The following WDR41 variants were observed in gnomAD, a reference collection of about 807,000 sequenced individuals.
WDR41 encodes the protein WD repeat-containing protein 41.
A neutral mutation model predicts 69.3 loss-of-function variants in WDR41; 63 were observed. The observed-to-expected ratio is 0.91, with a 90% CI of 0.74 to 1.12. The LOEUF (loss-of-function observed/expected upper bound fraction) is 1.12, where lower values mean the gene tolerates loss of function less well. Among genes scored for constraint, WDR41 ranks in the 50% most tolerant of loss-of-function variants. WDR41 has a pLI of 0.00. For missense variants in WDR41, 543 were observed against 534.5 expected, an observed-to-expected ratio of 1.02 and a Z score of -0.16; for synonymous variants, 185 against 192.1, an observed-to-expected ratio of 0.96 and a Z score of 0.31.
chr5:77,532,106 A>C (rs1802536148), intron 1 of WDR41, among the ~76,000 whole-genome samples: 1 of 152,086 alleles, frequency 6.6e-6, no homozygotes, highest in African/African-American at 2.4e-5. Flanking sequence ...TTACTTTTAC[A>C]TTATGTAAAT....
rs1483084004 is a variant in WDR41, at chr5:77,513,897, C to T, written c.43-24325G>A. On this transcript the variant is annotated intron_variant, in intron 1 of 5. Coordinates refer to the WDR41 transcript ENST00000509971. Reference sequence around the variant, plus strand: ...TAGACAAATTCTAATACCCTATGCACATGTCCACAGAGGGCTTTTCTTAGG... The same window carrying T: ...TAGACAAATTCTAATACCCTATGCATATGTCCACAGAGGGCTTTTCTTAGG... Among the ~76,000 whole-genome samples the T allele has an allele frequency of 2.0e-5, 3 of 150,984 alleles. No individual in the cohort carries two copies. The East Asian group carries it at 5.9e-4, about 30-fold the overall frequency.
chr5:77,515,782 G>A (rs2112181230), intron 1 of WDR41, among the ~76,000 whole-genome samples: 1 of 152,204 alleles, frequency 6.6e-6, no homozygotes, highest in East Asian at 1.9e-4. Flanking sequence ...GGCAGTATAG[G>A]ATTATATTTA....
At chr5:77,464,642 T>A in intron 3 of WDR41, 119 bp downstream of exon 3, 2 of 1,011,010 alleles carry the variant, frequency 2.0e-6, no homozygotes, top group East Asian at 2.6e-5. Context: ...TCTTTTCAAA[T>A]ATTAATGTGT....
intron 1 of WDR41, among the ~76,000 whole-genome samples, chr5:77,543,690 T>C (rs571690883): frequency 6.6e-6 from 1 of 152,176 alleles, no homozygotes; most frequent in South Asian, 2.1e-4. Context: ...TTATCGGTGT[T>C]CCTGAGGAAG....
At chr5:77,553,331 C>A (rs950293988) in intron 1 of WDR41, among the ~76,000 whole-genome samples, 2 of 152,096 alleles carry the variant, frequency 1.3e-5, no homozygotes, top group African/African-American at 4.8e-5. Context: ...CTTGAGGGGA[C>A]AAATGCTGTG....
intron 1 of WDR41, among the ~76,000 whole-genome samples, chr5:77,526,046 G>A (rs1436826557): frequency 2.0e-5 from 3 of 152,084 alleles, no homozygotes; most frequent in Admixed American, 6.5e-5. Flanking sequence ...AGAATATATA[G>A]TGCTTTTCTA....
chr5:77,489,984 G>C (rs1044611942), intron 1 of WDR41, among the ~76,000 whole-genome samples: 2 of 152,176 alleles, frequency 1.3e-5, no homozygotes, highest in African/African-American at 2.4e-5. Flanking sequence ...ATAAAATAGT[G>C]AAACAGTGCC....
At chr5:77,494,371 C>CA (rs140701135), upstream of WDR41, among the ~76,000 whole-genome samples, 16,097 of 149,198 alleles carry the variant, frequency 0.11, 1,015 homozygotes, top group Middle Eastern at 0.19. Context: ...GGCAGATTGA[C>CA]AAAAAAAAAC....
rs189763419 is a variant in WDR41, at chr5:77,436,432, T to C, written c.1094-38A>G. 4 of 1,601,482 alleles carry C rather than the reference T, an allele frequency of 2.5e-6. No individual in the cohort carries two copies. In the African/African-American group the frequency reaches 4.0e-5, roughly 16 times the overall value. On this transcript the variant is annotated intron_variant, in intron 11 of 12. Transcript: ENST00000296679. ...TCATTTCCAAAATTACTGTGCTCTG[T>C]ACTTACAATAACATGAGATCAGAAA... is the stretch of plus-strand genomic sequence containing the variant.
chr5:77,618,824 T>G (rs1179920166), intron 1 of WDR41, among the ~76,000 whole-genome samples: 1 of 152,230 alleles, frequency 6.6e-6, no homozygotes, highest in African/African-American at 2.4e-5. Context: ...ACTTGCTTTG[T>G]GGGACATCAA....
chr5:77,528,210 A>G (rs1241710270), intron 1 of WDR41, among the ~76,000 whole-genome samples: 1 of 151,864 alleles, frequency 6.6e-6, no homozygotes, highest in Non-Finnish European at 1.5e-5. Context: ...TTTACAACAC[A>G]TATATAGAAA....
intron 5 of WDR41, 106 bp downstream of exon 5, chr5:77,458,956 A>T: frequency 1.3e-6 from 1 of 761,364 alleles, no homozygotes; most frequent in South Asian, 1.9e-5. Flanking sequence ...TGTGGAAAGA[A>T]ATAATTCATA....
At chr5:77,580,957 A>C (rs1490377393) in intron 1 of WDR41, among the ~76,000 whole-genome samples, 1 of 151,848 alleles carries the variant, frequency 6.6e-6, no homozygotes, top group East Asian at 1.9e-4. Context: ...CTCCGTCTCA[A>C]AAATAAATAA....
rs747337689 is a variant in WDR41 at position 77,432,279 on chromosome 5, G to A, written c.*856C>T. On this transcript the variant is annotated 3_prime_UTR_variant, in exon 13 of 13. Coordinates refer to ENST00000296679, the MANE Select transcript of WDR41 (RefSeq NM_018268.4). ...TATTTTCATTTTTTAGCACCAAAAG[G>A]AGAAAACATATTGTTACAAGGCTGG... is the stretch of plus-strand genomic sequence containing the variant. 1.3e-5 allele frequency: 2 copies of A among 152,132 alleles called. No homozygotes were observed. The highest frequency in any genetic ancestry group is 4.1e-4 in the South Asian group (2 of 4,824). The allele number at this position is 152,132 out of a possible 1,614,324, so 9.4% of individuals were successfully genotyped here.
chr5:77,492,490 G>A (rs973166383), upstream of WDR41: 4 of 417,140 alleles, frequency 9.6e-6, no homozygotes, highest in Non-Finnish European at 1.3e-5. Context: ...CGATTGCGGG[G>A]CGCGCGCTGC....
chr5:77,592,731 C>T (rs936909139), intron 1 of WDR41, among the ~76,000 whole-genome samples: 3 of 152,138 alleles, frequency 2.0e-5, no homozygotes, highest in African/African-American at 7.2e-5. Flanking sequence ...ATGATGTTTT[C>T]AATGCATGCA....
intron 1 of WDR41, among the ~76,000 whole-genome samples, chr5:77,538,955 A>T (rs1743039834): frequency 6.6e-6 from 1 of 152,196 alleles, no homozygotes; most frequent in South Asian, 2.1e-4. Flanking sequence ...GGCTTTAACA[A>T]CAAGCATTTA....
At chr5:77,613,769 G>T (rs1744615439) in intron 1 of WDR41, among the ~76,000 whole-genome samples, 2 of 152,110 alleles carry the variant, frequency 1.3e-5, no homozygotes, top group Admixed American at 6.6e-5. Flanking sequence ...CAAAAGCAAT[G>T]GCAACAAAAA....
At chr5:77,581,324 T>C (rs941679222) in intron 1 of WDR41, among the ~76,000 whole-genome samples, 5 of 152,332 alleles carry the variant, frequency 3.3e-5, no homozygotes, top group Non-Finnish European at 4.4e-5. Flanking sequence ...TAGGCATATA[T>C]GCTTCTGAAA....
Sources: allele counts gnomAD v4.1 joint callset (sites outside exome capture counted in the v4.1 genomes callset), GRCh38; gene constraint gnomAD v4.1.1; transcripts MANE v1.5; gene names NCBI Gene and HGNC (gene_info 2026-07-23, HGNC 2026-07-21).